GGNBP2: variants seen among roughly 807,000 people sequenced by gnomAD.
GGNBP2 encodes gametogenetin binding protein 2.
In GGNBP2, 10 loss-of-function variants were observed where a neutral mutation model predicts 85.9. The ratio of observed to expected loss-of-function variants is 0.12; its 90% CI spans 0.07 to 0.20. GGNBP2 has a LOEUF of 0.20. GGNBP2 is among the 10% of genes least tolerant of loss of function. The pLI is 1.00. For missense variants in GGNBP2, 595 were observed against 857.8 expected (o/e 0.69, Z 3.83); for synonymous variants, 287 against 285.7 (o/e 1.00, Z -0.05).
At chr17:36,582,283 G>C (rs898374035) in intron 9 of GGNBP2, 2 of 152,302 alleles carry the variant, frequency 1.3e-5, no homozygotes, top group African/African-American at 4.8e-5. Context: ...CTACTTGGGA[G>C]GCTGAGGCAT....
chr17:36,573,332 T>TGG (rs1334881086), intron 6 of GGNBP2, among the ~76,000 whole-genome samples: 1 of 152,150 alleles, frequency 6.6e-6, no homozygotes, highest in Non-Finnish European at 1.5e-5. Context: ...AGGCTGGTCT[T>TGG]GAACTCCAGA....
chr17:36,554,876 T>C lies in GGNBP2; in HGVS notation c.150T>C (p.Gly50=), dbSNP rs1369236541. 6.2e-7 allele frequency: 1 copy of C among 1,606,680 alleles called. No homozygotes were observed. The highest frequency in any genetic ancestry group is 8.5e-7 in the Non-Finnish European group (1 of 1,173,224). Residue 50 remains glycine (G), a synonymous_variant, in exon 3 of 14, where the codon GGT becomes GGC. Transcript: ENST00000613102. ...VLNLDGHQNN[G]AQLKQFIQRH... ...ATCTCGATGGACATCAGAATAATGG[T>C]GCACAGCTAAAGCAGTTCATTCAGG...
intron 6 of GGNBP2, among the ~76,000 whole-genome samples, chr17:36,572,050 C>T (rs2074530723): frequency 1.4e-5 from 2 of 147,276 alleles, no homozygotes; most frequent in South Asian, 2.1e-4. Flanking sequence ...GACTCTGTCT[C>T]GAAAAAAAAA....
At chr17:36,585,652 T>C (rs529428572) in intron 10 of GGNBP2, 188 bp from the exon 11 acceptor site, 2 of 627,862 alleles carry the variant, frequency 3.2e-6, no homozygotes, top group East Asian at 3.1e-5. Context: ...CGAAAAATGG[T>C]AAATTCCTAA....
At chr17:36,576,733 C>G (rs887760495) in intron 6 of GGNBP2, 18 of 146,778 alleles carry the variant, frequency 1.2e-4, no homozygotes, top group African/African-American at 4.6e-4. Context: ...AAATAGGGAC[C>G]TACAGGAGAA....
At chr17:36,554,322 A>T (rs1037371948) in intron 2 of GGNBP2, among the ~76,000 whole-genome samples, 1 of 150,332 alleles carries the variant, frequency 6.7e-6, no homozygotes, top group Non-Finnish European at 1.5e-5. Context: ...AAAAAAAAAA[A>T]AAAAATGGAA....
chr17:36,545,938 C>T (rs1445066152), intron 2 of GGNBP2, 121 bp downstream of exon 2: 4 of 693,890 alleles, frequency 5.8e-6, no homozygotes, highest in South Asian at 5.6e-5. Flanking sequence ...CTAGGCGAGG[C>T]CTTCTCTTCA....
At position 36,565,412 on chromosome 17, in the gene GGNBP2, A is replaced by G. The variant is rs138375091; in HGVS notation, c.528-2251A>G. Among the ~76,000 whole-genome samples, 30 of 152,280 alleles carry G rather than the reference A, an allele frequency of 2.0e-4. No individual in the cohort carries two copies. In the East Asian group the frequency reaches 5.6e-3, roughly 28 times the overall value. ...GGCATAAGGTCTAGAATGTTTATAA[A>G]TAAAATCCTGATTTGAGATACAGAT... On this transcript the variant is annotated intron_variant, in intron 5 of 13. Coordinates refer to ENST00000613102, the MANE Select transcript of GGNBP2 (RefSeq NM_024835.5).
chr17:36,568,824 C>T (rs563033427), intron 6 of GGNBP2, among the ~76,000 whole-genome samples: 8 of 151,476 alleles, frequency 5.3e-5, no homozygotes, highest in East Asian at 2.0e-4. Context: ...GGCTCGATCT[C>T]GGCTCACTGT....
chr17:36,581,539 G>A lies in GGNBP2; in HGVS notation c.1215+1G>A. The stretch of plus-strand genomic sequence containing the variant: ...TGAAAAGGAAGTAAGCCAAGAGAAG[G>A]TAATATTTCTTAATATCAACTCTTA... On this transcript the variant is annotated splice_donor_variant, in intron 9 of 13. Transcript: ENST00000613102. LOFTEE classifies it high-confidence loss of function. The A allele has an allele frequency of 6.3e-7, 1 of 1,597,842 alleles. No individual in the cohort carries two copies. The highest frequency in any genetic ancestry group is 8.6e-7 in the Non-Finnish European group (1 of 1,168,850).
intron 8 of GGNBP2, among the ~76,000 whole-genome samples, chr17:36,580,051 C>T (rs1397029871): frequency 1.3e-5 from 2 of 151,938 alleles, no homozygotes; most frequent in African/African-American, 4.8e-5. Context: ...AAAAAACACA[C>T]ATAACTAGTG....
At chr17:36,554,312 A>G (rs1004469138) in intron 2 of GGNBP2, among the ~76,000 whole-genome samples, 1 of 149,472 alleles carries the variant, frequency 6.7e-6, no homozygotes, top group Non-Finnish European at 1.5e-5. Context: ...CCGTCTCAAA[A>G]AAAAAAAAAA....
In GGNBP2 at chr17:36,545,449, G is replaced by A. The variant is rs2074241160; in HGVS notation, c.-106-170G>A. ...AGAGAGGGAGGGAGCGCGGCGCGAG[G>A]GGGGCGGGTCCCGGCGGCGCTGGGC... On this transcript the variant is annotated intron_variant, in intron 1 of 13. Transcript: ENST00000613102. 1.0e-5 allele frequency: 4 copies of A among 396,980 alleles called. No homozygotes were observed. In the South Asian group the frequency reaches 2.8e-4, roughly 28 times the overall value. 24.6% of individuals were successfully genotyped at this position (396,980 alleles called of 1,614,324 possible). A position where few individuals can be genotyped will look rare whatever the true frequency, so the allele number is the denominator to read the frequency against.
At chr17:36,575,644 A>ATTTTTTTT (rs1195389811) in intron 6 of GGNBP2, among the ~76,000 whole-genome samples, 3 of 52,492 alleles carry the variant, frequency 5.7e-5, no homozygotes, top group South Asian at 6.7e-4. Context: ...ATATATATAT[A>ATTTTTTTT]TATATTTTTT....
chr17:36,558,069 G>A (rs529660137), intron 4 of GGNBP2, among the ~76,000 whole-genome samples: 14 of 148,986 alleles, frequency 9.4e-5, no homozygotes, highest in Middle Eastern at 4.1e-3. Context: ...CCGAGATCAC[G>A]CCACTGCAGT....
At chr17:36,572,448 G>A (rs1429521111) in intron 6 of GGNBP2, among the ~76,000 whole-genome samples, 1 of 152,174 alleles carries the variant, frequency 6.6e-6, no homozygotes, top group Non-Finnish European at 1.5e-5. Flanking sequence ...CAGCATTTTG[G>A]GAGACTGAGG....
At chr17:36,560,001 AT>A (rs2074401544) in intron 4 of GGNBP2, among the ~76,000 whole-genome samples, 1 of 151,800 alleles carries the variant, frequency 6.6e-6, no homozygotes, top group Non-Finnish European at 1.5e-5. Flanking sequence ...CACCTGTCTA[AT>A]TTTTGTATTT....
At chr17:36,572,349 C>T (rs962691174) in intron 6 of GGNBP2, among the ~76,000 whole-genome samples, 1 of 152,096 alleles carries the variant, frequency 6.6e-6, no homozygotes, top group Non-Finnish European at 1.5e-5. Flanking sequence ...CGTTTTTTCT[C>T]TCCTAAAGGA....
chr17:36,568,325 T>TG (rs975767219), intron 6 of GGNBP2, among the ~76,000 whole-genome samples: 2 of 151,920 alleles, frequency 1.3e-5, no homozygotes, highest in Non-Finnish European at 2.9e-5. Flanking sequence ...GAGACAGAGT[T>TG]GCACTCTGTC....
Sources: gnomAD v4.1 joint callset for allele counts (sites outside exome capture counted in the v4.1 genomes callset) on GRCh38, gnomAD v4.1.1 for gene constraint, MANE v1.5 for transcripts, NCBI Gene and HGNC (gene_info 2026-07-23, HGNC 2026-07-21) for gene names.